Variants in TEAD1 observed in about 807,000 individuals in gnomAD.
TEAD1 encodes the protein transcriptional enhancer factor TEF-1.
In TEAD1, 9 loss-of-function variants were observed where a neutral mutation model predicts 54.9. The observed-to-expected ratio is 0.16, with a 90% CI of 0.10 to 0.29. The LOEUF is 0.29. Ranked by LOEUF, TEAD1 falls within the 10% of genes least tolerant of loss-of-function variation. TEAD1 has a pLI of 1.00. For missense variants in TEAD1, 387 were observed against 535.9 expected (o/e 0.72, Z 2.74); for synonymous variants, 200 against 187.8 (o/e 1.07, Z -0.53).
rs771743451 is a variant in TEAD1, at chr11:12,764,331, G to T, written c.99G>T (p.Gly33=). 1 of 1,614,202 alleles carries T rather than the reference G, an allele frequency of 6.2e-7. No homozygotes were observed. Among genetic ancestry groups the T allele is most frequent in the Middle Eastern group, 1.6e-4 (1 of 6,062 alleles). Reference sequence around the variant, plus strand: ...AGCCAATTGACAATGATGCAGAAGGGGTCTGGAGCCCCGACATCGAGCAAA... The same window carrying T: ...AGCCAATTGACAATGATGCAGAAGGTGTCTGGAGCCCCGACATCGAGCAAA... Residue 33 remains glycine, a synonymous_variant, in exon 3 of 13, where the codon GGG becomes GGT. Coordinates refer to ENST00000527636, the MANE Select transcript of TEAD1 (RefSeq NM_021961.6).
chr11:12,728,514 G>A (rs1406300303), intron 2 of TEAD1, among the ~76,000 whole-genome samples: 1 of 152,180 alleles, frequency 6.6e-6, no homozygotes, highest in Non-Finnish European at 1.5e-5. Flanking sequence ...GGGTATCTGA[G>A]GGGTATAAGG....
intron 2 of TEAD1, among the ~76,000 whole-genome samples, chr11:12,703,327 G>C (rs933292044): frequency 6.6e-6 from 1 of 152,182 alleles, no homozygotes; most frequent in African/African-American, 2.4e-5. Flanking sequence ...CATAGGATGA[G>C]TCAATCCACC....
At chr11:12,819,278 ATTTTT>A (rs72319822) in intron 3 of TEAD1, among the ~76,000 whole-genome samples, 4 of 146,942 alleles carry the variant, frequency 2.7e-5, no homozygotes, top group Admixed American at 6.7e-5. Context: ...TGCAGAGGTG[ATTTTT>A]TTTTTTTTTT....
intron 2 of TEAD1, among the ~76,000 whole-genome samples, chr11:12,703,815 T>C (rs751289044): frequency 4.6e-5 from 7 of 152,186 alleles, no homozygotes; most frequent in Non-Finnish European, 1.5e-5. Flanking sequence ...AGCCATCTAT[T>C]GCCTGTGCTC....
At position 12,941,890 on chromosome 11, in the gene TEAD1, C is replaced by A. The variant is rs1420015580; in HGVS notation, c.*4668C>A. ...TCCCGTAAGCAGTGCCTTAGTAATA[C>A]CTTAGTCATGCCGCCAGCCTTTTCT... On this transcript the variant is annotated 3_prime_UTR_variant, in exon 13 of 13. Transcript: ENST00000527636. 6.6e-6 allele frequency: 1 copy of A among 152,546 alleles called. No homozygotes were observed. The highest frequency in any genetic ancestry group is 2.4e-5 in the African/African-American group (1 of 41,426). 9.4% of individuals were successfully genotyped at this position (152,546 alleles called of 1,614,324 possible). A position where few individuals can be genotyped will look rare whatever the true frequency, so the allele number is the denominator to read the frequency against.
intron 2 of TEAD1, among the ~76,000 whole-genome samples, chr11:12,739,424 A>G (rs990636384): frequency 3.3e-5 from 5 of 152,206 alleles, no homozygotes; most frequent in African/African-American, 9.7e-5. Context: ...GAAAATGTCT[A>G]TTAAACAAGA....
chr11:12,756,175 T>C (rs1944980640), intron 2 of TEAD1, among the ~76,000 whole-genome samples: 1 of 152,198 alleles, frequency 6.6e-6, no homozygotes, highest in South Asian at 2.1e-4. Flanking sequence ...GATGGGATTC[T>C]GTTGACACGG....
chr11:12,843,035 GA>G lies in TEAD1; in HGVS notation c.203-19205del, dbSNP rs956728691. Among the ~76,000 whole-genome samples, 10 of 150,850 alleles carry G rather than the reference GA, an allele frequency of 6.6e-5. No homozygotes were observed. In the South Asian group the frequency reaches 8.4e-4, roughly 13 times the overall value. On this transcript the variant is annotated intron_variant, in intron 3 of 12. Transcript: ENST00000527636. The stretch of plus-strand genomic sequence containing the variant: ...TAACAGCATTGGAAGTTGCTTCCAG[GA>G]AAAAAAAAATTTTTTTTCTAGCTAA...
At chr11:12,825,991 T>C (rs1209949428) in intron 3 of TEAD1, among the ~76,000 whole-genome samples, 1 of 152,198 alleles carries the variant, frequency 6.6e-6, no homozygotes, top group East Asian at 1.9e-4. Context: ...AAATTTAAAT[T>C]CTTACCGCAC....
intron 2 of TEAD1, among the ~76,000 whole-genome samples, chr11:12,710,569 T>C (rs764503852): frequency 6.6e-6 from 1 of 152,172 alleles, no homozygotes; most frequent in Non-Finnish European, 1.5e-5. Context: ...GTAATTCATT[T>C]ATTTAATAAA....
chr11:12,764,687 G>A lies in TEAD1; in HGVS notation c.202+253G>A, dbSNP rs551672701. On this transcript the variant is annotated intron_variant, in intron 3 of 12. Transcript: ENST00000527636. ...AGTGGCATTACATCAGAAGCTCCAG[G>A]GGTCCAGGCAGGAACATAAATAGTT... Among the ~76,000 whole-genome samples, 4 of 151,840 alleles carry A rather than the reference G, an allele frequency of 2.6e-5. No individual in the cohort carries two copies. The South Asian group carries it at 8.4e-4, about 32-fold the overall frequency.
chr11:12,928,649 A>G (rs1564994107), intron 11 of TEAD1, among the ~76,000 whole-genome samples: 1 of 152,178 alleles, frequency 6.6e-6, no homozygotes, highest in Non-Finnish European at 1.5e-5. Flanking sequence ...AACACTGGAA[A>G]TAACTATTCT....
chr11:12,753,302 C>G (rs78740778), intron 2 of TEAD1, among the ~76,000 whole-genome samples: 1,964 of 152,240 alleles, frequency 0.013, 29 homozygotes, highest in East Asian at 0.043. Flanking sequence ...ATTGCTGAAT[C>G]AGGAGGTATG....
At chr11:12,712,670 C>T (rs753333841) in intron 2 of TEAD1, among the ~76,000 whole-genome samples, 2 of 152,204 alleles carry the variant, frequency 1.3e-5, no homozygotes, top group East Asian at 3.9e-4. Context: ...CACTACCATT[C>T]TTTCTGCCCT....
intron 3 of TEAD1, among the ~76,000 whole-genome samples, chr11:12,768,994 C>T (rs1486509330): frequency 1.3e-5 from 2 of 152,164 alleles, no homozygotes; most frequent in African/African-American, 4.8e-5. Flanking sequence ...CAAGCCTGGC[C>T]TCGGTAGTGG....
rs1454456242 is a variant in TEAD1 at position 12,941,151 on chromosome 11, A to T, written c.*3929A>T. On this transcript the variant is annotated 3_prime_UTR_variant, in exon 13 of 13. Coordinates refer to ENST00000527636, the MANE Select transcript of TEAD1 (RefSeq NM_021961.6). Reference sequence around the variant, plus strand: ...GAATGTGTGGACAGGTCAGCTTAGAAGAGATGGGGAGATTCAGGATCCCCC... The same window carrying T: ...GAATGTGTGGACAGGTCAGCTTAGATGAGATGGGGAGATTCAGGATCCCCC... The T allele has an allele frequency of 6.6e-6, 1 of 152,238 alleles. No individual in the cohort carries two copies. The highest frequency in any genetic ancestry group is 1.5e-5 in the Non-Finnish European group (1 of 68,072). The allele number at this position is 152,238 out of a possible 1,614,324, so 9.4% of individuals were successfully genotyped here.
intron 3 of TEAD1, among the ~76,000 whole-genome samples, chr11:12,807,294 G>A (rs1442309155): frequency 6.6e-6 from 1 of 152,130 alleles, no homozygotes; most frequent in Non-Finnish European, 1.5e-5. Flanking sequence ...GTTTCTGTCC[G>A]CTCAAATACA....
intron 3 of TEAD1, among the ~76,000 whole-genome samples, chr11:12,820,082 G>C: frequency 6.6e-6 from 1 of 152,056 alleles, no homozygotes; most frequent in East Asian, 1.9e-4. Context: ...GGCAGGTCAT[G>C]GGGGTCCACT....
chr11:12,779,825 C>A (rs75575126), intron 3 of TEAD1, among the ~76,000 whole-genome samples: 49 of 152,254 alleles, frequency 3.2e-4, no homozygotes, highest in Admixed American at 3.1e-3. Flanking sequence ...GAAGAAAAAA[C>A]CACATTTTTA....
Sources: gnomAD v4.1 joint callset for allele counts (sites outside exome capture counted in the v4.1 genomes callset) on GRCh38, gnomAD v4.1.1 for gene constraint, MANE v1.5 for transcripts, NCBI Gene and HGNC (gene_info 2026-07-23, HGNC 2026-07-21) for gene names.